RELN: variants seen among roughly 807,000 people sequenced by gnomAD.
The protein encoded by RELN is reelin.
Under a neutral mutation model 427.6 loss-of-function variants are expected in RELN, and 108 were observed. The observed-to-expected ratio is 0.25, with a 90% confidence interval of 0.22 to 0.30. RELN has a LOEUF of 0.30. Ranked by LOEUF, RELN falls within the 10% of genes least tolerant of loss-of-function variation. The probability of loss-of-function intolerance (pLI) is 1.00; values close to 1 mark genes in which losing one functional copy is unlikely to be tolerated. For synonymous variants in RELN, 1,524 were observed against 1,513.4 expected, an observed-to-expected ratio of 1.01 and a Z score of -0.16; for missense variants, 3,715 against 4,302.8, an observed-to-expected ratio of 0.86 and a Z score of 3.82.
In RELN at chr7:103,953,215, A is replaced by G. The variant is rs181236051; in HGVS notation, c.226+35916T>C. Among the ~76,000 whole-genome samples the G allele has an allele frequency of 3.7e-3, 558 of 152,340 alleles. 3 individuals carry two copies. Among genetic ancestry groups the G allele is most frequent in the African/African-American group, 0.013 (542 of 41,578 alleles). On this transcript the variant is annotated intron_variant, in intron 1 of 64. Coordinates refer to ENST00000428762, the MANE Select transcript of RELN (RefSeq NM_005045.4). The surrounding 1 kb of genome is among the most constrained non-coding windows in gnomAD (Gnocchi z 4.3). Reference sequence around the variant, plus strand: ...TTCCCATGGAAGACAAGCCCTTGAAAGTATCCTCAACTCATATTTATTGCA... The same window carrying G: ...TTCCCATGGAAGACAAGCCCTTGAAGGTATCCTCAACTCATATTTATTGCA...
At chr7:103,481,727 G>A (rs963841869) in intron 63 of RELN, among the ~76,000 whole-genome samples, 1 of 152,160 alleles carries the variant, frequency 6.6e-6, no homozygotes, top group Non-Finnish European at 1.5e-5. Flanking sequence ...TCTCTCTATG[G>A]CCTTACTGTA....
chr7:103,534,124 A>G (rs1374181082), intron 46 of RELN, among the ~76,000 whole-genome samples: 1 of 152,178 alleles, frequency 6.6e-6, no homozygotes, highest in Non-Finnish European at 1.5e-5. Context: ...GCCCTAGATG[A>G]ATGGTTGAAT....
rs114313194 is a variant in RELN, at chr7:103,561,533, C to A, written c.5528G>T (p.Gly1843Val). 35 of 1,610,452 alleles carry A rather than the reference C, an allele frequency of 2.2e-5. No homozygotes were observed. The East Asian group carries it at 7.4e-4, about 34-fold the overall frequency. ...IKSGTSLIFKGEGLRMLISRD... is the reference protein window; with the variant it reads ...IKSGTSLIFKVEGLRMLISRD... ...AGGAGAATCTTATCTGTATCTGACC[C>A]CTTTAAAAATTAGAGATGTTCCAGA... Residue 1843 changes from glycine to valine, a missense_variant and splice_region_variant, in exon 36 of 65, where the codon GGG becomes GTG. Gly to Val is a moderately radical substitution (Grantham distance 109). This residue lies in a region of RELN where 2,208 missense variants were observed against 2,361.7 expected (regional missense o/e 0.93). Coordinates refer to ENST00000428762, the MANE Select transcript of RELN (RefSeq NM_005045.4).
intron 4 of RELN, among the ~76,000 whole-genome samples, chr7:103,772,177 G>C (rs1791585168): frequency 6.6e-6 from 1 of 152,178 alleles, no homozygotes; most frequent in South Asian, 2.1e-4. Context: ...GGTGCATACT[G>C]TGCACCACAT....
At chr7:103,549,177 C>T (rs762061399) in intron 41 of RELN, among the ~76,000 whole-genome samples, 15 of 152,142 alleles carry the variant, frequency 9.9e-5, no homozygotes, top group Non-Finnish European at 1.6e-4. Context: ...TACCATAAAT[C>T]GGGTGGCTTA....
chr7:103,834,392 TG>T (rs1361507685), intron 2 of RELN, among the ~76,000 whole-genome samples: 2 of 152,190 alleles, frequency 1.3e-5, no homozygotes, highest in African/African-American at 4.8e-5. Flanking sequence ...AGAGTGGTCT[TG>T]TTTTTGCCTC....
intron 3 of RELN, among the ~76,000 whole-genome samples, chr7:103,791,026 A>G (rs1443848297): frequency 6.6e-6 from 1 of 152,136 alleles, no homozygotes; most frequent in Non-Finnish European, 1.5e-5. Context: ...TTATAAACTC[A>G]TTGAAAAGAA....
At chr7:103,827,022 A>G (rs1793159499) in intron 3 of RELN, among the ~76,000 whole-genome samples, 1 of 148,414 alleles carries the variant, frequency 6.7e-6, no homozygotes, top group African/African-American at 2.5e-5. Context: ...TTGCTTCTAG[A>G]CTCAACATCA....
chr7:103,477,366 G>T (rs1828073629), intron 64 of RELN, among the ~76,000 whole-genome samples: 1 of 152,140 alleles, frequency 6.6e-6, no homozygotes, highest in South Asian at 2.1e-4. Flanking sequence ...ACTAATTTGA[G>T]CTCATAGAAA....
At chr7:103,613,976 C>G (rs1356779709) in intron 20 of RELN, among the ~76,000 whole-genome samples, 1 of 152,022 alleles carries the variant, frequency 6.6e-6, no homozygotes, top group Admixed American at 6.6e-5. Context: ...ATTGCCTGCA[C>G]CTAATGTTTG....
intron 46 of RELN, among the ~76,000 whole-genome samples, chr7:103,529,600 A>G (rs978641838): frequency 1.3e-5 from 2 of 151,940 alleles, no homozygotes; most frequent in Non-Finnish European, 2.9e-5. Context: ...GGGGCTATGA[A>G]ACTGATGTTG....
chr7:103,943,464 C>A (rs181709256), intron 1 of RELN, among the ~76,000 whole-genome samples: 45 of 152,148 alleles, frequency 3.0e-4, no homozygotes, highest in Non-Finnish European at 2.9e-5. Flanking sequence ...ATTAAATGTG[C>A]AAATTTGGGG....
intron 9 of RELN, among the ~76,000 whole-genome samples, 198 bp from the exon 10 acceptor site, chr7:103,698,291 T>C (rs2053986855): frequency 6.6e-6 from 1 of 152,148 alleles, no homozygotes; most frequent in South Asian, 2.1e-4. Context: ...TGATGACAGT[T>C]CAAGTATTAA....
chr7:103,478,364 C>T (rs1422139218), intron 64 of RELN, 25 bp downstream of exon 64: 3 of 756,620 alleles, frequency 4.0e-6, no homozygotes, highest in Non-Finnish European at 7.3e-6. Context: ...TAAACAGTTC[C>T]CCAGATTTAG....
intron 48 of RELN, among the ~76,000 whole-genome samples, chr7:103,521,618 G>A (rs1439860505): frequency 1.3e-5 from 2 of 152,200 alleles, no homozygotes; most frequent in East Asian, 3.8e-4. Context: ...CATGCAGATG[G>A]AAGATTGCAC....
chr7:103,944,209 CCATAAGAATAAGAATAAAT>C (rs1306376635), intron 1 of RELN, among the ~76,000 whole-genome samples: 8 of 152,202 alleles, frequency 5.3e-5, no homozygotes, highest in African/African-American at 1.7e-4. Flanking sequence ...AATTAATAAA[CCATAAGAATAAGAATAAAT>C]CATAAGAAAA....
chr7:103,904,030 G>T (rs1375817535), intron 2 of RELN, among the ~76,000 whole-genome samples: 1 of 151,954 alleles, frequency 6.6e-6, no homozygotes, highest in Admixed American at 6.6e-5. Flanking sequence ...CAGGCCCCAG[G>T]TGTGTGTTGT....
In RELN at chr7:103,540,229, C is replaced by G. The variant is rs772805169; in HGVS notation, c.6898G>C (p.Gly2300Arg). The change falls in exon 44 of 65, where the codon GGG becomes CGG. Residue 2300 changes from glycine to arginine, a missense_variant. Gly to Arg is a moderately radical substitution (Grantham distance 125). Coordinates refer to ENST00000428762, the MANE Select transcript of RELN (RefSeq NM_005045.4). ...ATAACCCAGGGGCTGTAGAAGTGCC[C>G]ATTCTCAGACGGTTGCCACCAGCGA... is the stretch of plus-strand genomic sequence containing the variant. ...RLRWWQPSEN[G>R]HFYSPWVIDQ... The G allele has an allele frequency of 6.2e-7, 1 of 1,614,184 alleles. No homozygotes were observed. Among genetic ancestry groups the G allele is most frequent in the Non-Finnish European group, 8.5e-7 (1 of 1,180,026 alleles).
Position 103,497,911 on chromosome 7 carries a change from C to A in RELN, c.8859G>T (p.Trp2953Cys), listed in dbSNP as rs1474491698. The A allele has an allele frequency of 2.0e-5, 32 of 1,614,036 alleles. No homozygotes were observed. Among genetic ancestry groups the A allele is most frequent in the Non-Finnish European group, 2.7e-5 (32 of 1,179,990 alleles). Reference protein sequence around the residue: ...DLRGAKFLQYWGRIGSENNMT... With the variant: ...DLRGAKFLQYCGRIGSENNMT... ...TGTTGTTCTCACTACCGATGCGCCC[C>A]CAGTATTGCAGGAACCTGAATGCAA... Residue 2953 changes from tryptophan (W) to cysteine (C), a missense_variant, in exon 55 of 65, where the codon TGG becomes TGT. Trp to Cys is a radical substitution (Grantham distance 215). Around this residue, in one of 4 missense-constraint regions of RELN, gnomAD observed 1,310 missense variants for 1,643.0 expected, o/e 0.80. Coordinates refer to ENST00000428762, the MANE Select transcript of RELN (RefSeq NM_005045.4).
Sources: gnomAD v4.1 joint callset for allele counts (sites outside exome capture counted in the v4.1 genomes callset) on GRCh38, gnomAD v4.1.1 for gene constraint, gnomAD v4.1.1 regional missense constraint, Gnocchi (gnomAD v3.1) non-coding constraint, MANE v1.5 for transcripts, NCBI Gene and HGNC (gene_info 2026-07-23, HGNC 2026-07-21) for gene names.